XPR1: variants seen among roughly 807,000 people sequenced by gnomAD.
The protein encoded by XPR1 is solute carrier family 53 member 1.
Under a neutral mutation model 87.5 loss-of-function variants are expected in XPR1, and 28 were observed. That is an observed-to-expected ratio of 0.32 (90% CI 0.24 to 0.44). The LOEUF is 0.44. Among genes scored for constraint, XPR1 ranks in the 20% least tolerant of loss-of-function variants. The probability of loss-of-function intolerance (pLI) is 1.00; values close to 1 mark genes in which losing one functional copy is unlikely to be tolerated. For synonymous variants in XPR1, 300 were observed against 306.1 expected (o/e 0.98, Z 0.21); for missense variants, 559 against 862.3 (o/e 0.65, Z 4.41).
intron 1 of XPR1, among the ~76,000 whole-genome samples, chr1:180,637,554 T>C (rs1654824868): frequency 6.6e-6 from 1 of 152,140 alleles, no homozygotes; most frequent in Non-Finnish European, 1.5e-5. Context: ...ATTAAGCTAA[T>C]TCTTTTTTCT....
chr1:180,681,190 A>G lies in XPR1; in HGVS notation c.70-1170A>G, dbSNP rs187779993. Among the ~76,000 whole-genome samples, 19 of 152,296 alleles carry G rather than the reference A, an allele frequency of 1.2e-4. No homozygotes were observed. In the East Asian group the frequency reaches 3.7e-3, roughly 29 times the overall value. ...TAGTTAACAATAGTATATAGTTTCAAATACCTAGAAGGAGGATATTGAATG... is the reference window on the plus strand; with the variant it reads ...TAGTTAACAATAGTATATAGTTTCAGATACCTAGAAGGAGGATATTGAATG... On this transcript the variant is annotated intron_variant, in intron 1 of 14. Transcript: ENST00000367590.
chr1:180,824,967 C>T, intron 8 of XPR1, 24 bp downstream of exon 8: 2 of 1,606,732 alleles, frequency 1.2e-6, no homozygotes, highest in Non-Finnish European at 1.7e-6. Flanking sequence ...GACATAACAC[C>T]TCATGAATAT....
intron 2 of XPR1, among the ~76,000 whole-genome samples, chr1:180,714,799 A>G (rs1657932528): frequency 6.6e-6 from 1 of 151,566 alleles, no homozygotes; most frequent in African/African-American, 2.4e-5. Context: ...TTTTTTTTAA[A>G]GTGGAAAATG....
At chr1:180,743,560 C>T (rs1376821171) in intron 2 of XPR1, among the ~76,000 whole-genome samples, 2 of 152,154 alleles carry the variant, frequency 1.3e-5, no homozygotes, top group South Asian at 2.1e-4. Context: ...TATATATATA[C>T]CCAGATATTT....
intron 2 of XPR1, among the ~76,000 whole-genome samples, chr1:180,769,704 C>G (rs958483259): frequency 1.3e-5 from 2 of 152,042 alleles, no homozygotes; most frequent in African/African-American, 2.4e-5. Context: ...AGGTTGTTTC[C>G]AAGTCTTGGC....
chr1:180,879,190 CT>C, intron 13 of XPR1, among the ~76,000 whole-genome samples: 1 of 152,184 alleles, frequency 6.6e-6, no homozygotes, highest in Non-Finnish European at 1.5e-5. Context: ...CTGTCTGCTT[CT>C]CATCACTTCT....
At chr1:180,719,163 A>G (rs770277900) in intron 2 of XPR1, among the ~76,000 whole-genome samples, 30 of 152,400 alleles carry the variant, frequency 2.0e-4, no homozygotes, top group South Asian at 6.2e-4. Flanking sequence ...ATAAATACCA[A>G]GGAAATGTAC....
chr1:180,632,117 C>G lies in XPR1; in HGVS notation c.-85C>G, dbSNP rs1313348001. On this transcript the variant is annotated 5_prime_UTR_variant, in exon 1 of 15. Coordinates refer to ENST00000367590, the MANE Select transcript of XPR1 (RefSeq NM_004736.4). ...AGCGCAGCGCCGCGCCGCGCCGGGG[C>G]CCATGTGGGGAGGAGTCGGAGTCGC... The G allele has an allele frequency of 6.7e-7, 1 of 1,495,578 alleles. No homozygotes were observed. Among genetic ancestry groups the G allele is most frequent in the Middle Eastern group, 1.9e-4 (1 of 5,374 alleles). 92.6% of individuals were successfully genotyped at this position (1,495,578 alleles called of 1,614,324 possible).
intron 2 of XPR1, among the ~76,000 whole-genome samples, chr1:180,693,921 A>T (rs1490086995): frequency 6.6e-6 from 1 of 152,180 alleles, no homozygotes; most frequent in African/African-American, 2.4e-5. Flanking sequence ...AGGGGAAGGA[A>T]CACTTTTGTG....
chr1:180,730,883 T>C (rs573181754), intron 2 of XPR1, among the ~76,000 whole-genome samples: 13 of 152,108 alleles, frequency 8.5e-5, no homozygotes, highest in African/African-American at 2.9e-4. Context: ...CCTAGGCTGG[T>C]CTTGAACTCC....
intron 11 of XPR1, among the ~76,000 whole-genome samples, chr1:180,846,788 G>A (rs949891469): frequency 2.6e-5 from 4 of 151,050 alleles, no homozygotes; most frequent in Admixed American, 6.6e-5. Context: ...TATAAGATAC[G>A]GTTTTCATGA....
At chr1:180,649,533 G>A (rs192612267) in intron 1 of XPR1, among the ~76,000 whole-genome samples, 1 of 152,226 alleles carries the variant, frequency 6.6e-6, no homozygotes, top group Non-Finnish European at 1.5e-5. Context: ...AATGCTCTGT[G>A]TTGTGGACAG....
At chr1:180,694,194 A>G (rs748129223) in intron 2 of XPR1, among the ~76,000 whole-genome samples, 1 of 152,210 alleles carries the variant, frequency 6.6e-6, no homozygotes. Flanking sequence ...TCCTGGGGTC[A>G]AGCGATCCTC....
At chr1:180,819,247 G>T (rs1352796572) in intron 7 of XPR1, among the ~76,000 whole-genome samples, 5 of 152,154 alleles carry the variant, frequency 3.3e-5, no homozygotes, top group Non-Finnish European at 7.3e-5. Context: ...ACCATGCCTG[G>T]TCCCTGTTTT....
chr1:180,846,119 A>T (rs1357661234), intron 11 of XPR1, among the ~76,000 whole-genome samples: 1 of 152,004 alleles, frequency 6.6e-6, no homozygotes, highest in Non-Finnish European at 1.5e-5. Context: ...AAAATTAGCC[A>T]GGTGGAGTGG....
rs141399320 is a variant in XPR1 at position 180,803,967 on chromosome 1, T to G, written c.447+356T>G. ...AGCCACTGTTGGCTATGTAAGGGCTTTTCTTTTTTTTCCTTTCTTTTTTTT... is the reference window on the plus strand; with the variant it reads ...AGCCACTGTTGGCTATGTAAGGGCTGTTCTTTTTTTTCCTTTCTTTTTTTT... On this transcript the variant is annotated intron_variant, in intron 4 of 14. Transcript: ENST00000367590. Among the ~76,000 whole-genome samples the G allele has an allele frequency of 3.2e-3, 492 of 152,060 alleles. 3 individuals carry two copies. Among genetic ancestry groups the G allele is most frequent in the African/African-American group, 0.011 (467 of 41,500 alleles).
At chr1:180,645,372 C>T (rs1222646195) in intron 1 of XPR1, among the ~76,000 whole-genome samples, 2 of 152,210 alleles carry the variant, frequency 1.3e-5, no homozygotes, top group Non-Finnish European at 2.9e-5. Context: ...TGAAACATGT[C>T]AGAAATCTCA....
At chr1:180,689,256 A>G (rs1656898529) in intron 2 of XPR1, among the ~76,000 whole-genome samples, 1 of 152,214 alleles carries the variant, frequency 6.6e-6, no homozygotes, top group Non-Finnish European at 1.5e-5. Flanking sequence ...TGACAACAAA[A>G]GAGAATTCTG....
rs772043903 is a variant in XPR1, at chr1:180,811,460, T to C, written c.735T>C (p.Ile245=). Residue 245 remains isoleucine, a synonymous_variant, in exon 7 of 15, where the codon ATT becomes ATC. Transcript: ENST00000367590. ...TTGGCCTATTTTGTGGAATATTCAT[T>C]GTACTGAATATTACCCTTGTGCTTG... ...FRVGLFCGIF[I]VLNITLVLAA... The C allele has an allele frequency of 1.9e-6, 3 of 1,613,454 alleles. 1 individual carries two copies. In the South Asian group the frequency reaches 3.3e-5, roughly 18 times the overall value.
Sources: allele counts gnomAD v4.1 joint callset (sites outside exome capture counted in the v4.1 genomes callset), GRCh38; gene constraint gnomAD v4.1.1; transcripts MANE v1.5; gene names NCBI Gene and HGNC (gene_info 2026-07-23, HGNC 2026-07-21).